The following SEMA6D variants were observed in gnomAD, a reference collection of about 807,000 sequenced individuals.
The protein encoded by SEMA6D is semaphorin 6D.
SEMA6D carries 35 observed loss-of-function variants against 106.6 expected under a neutral mutation model. That is an observed-to-expected ratio of 0.33 (90% CI 0.25 to 0.44). The LOEUF is 0.44. SEMA6D is among the 20% of genes least tolerant of loss of function. SEMA6D has a pLI of 1.00. For missense variants in SEMA6D, 1,185 were observed against 1,345.9 expected (o/e 0.88, Z 1.87); for synonymous variants, 499 against 487.7 (o/e 1.02, Z -0.31).
chr15:47,736,694 C>T (rs2080466880), intron 1 of SEMA6D, among the ~76,000 whole-genome samples: 1 of 152,186 alleles, frequency 6.6e-6, no homozygotes, highest in African/African-American at 2.4e-5. Flanking sequence ...GCCAGAACTT[C>T]CTTCTCCATT....
chr15:47,349,840 G>A (rs1229104152), intron 1 of SEMA6D, among the ~76,000 whole-genome samples: 1 of 152,102 alleles, frequency 6.6e-6, no homozygotes, highest in Admixed American at 6.5e-5. Context: ...TTACTACATG[G>A]AGATAAACTC....
intron 1 of SEMA6D, among the ~76,000 whole-genome samples, chr15:47,732,649 A>G (rs1280345580): frequency 6.6e-6 from 1 of 152,222 alleles, no homozygotes. Context: ...ATTTATACAT[A>G]TTACCTACAC....
chr15:47,288,126 C>T (rs1017734398), intron 1 of SEMA6D, among the ~76,000 whole-genome samples: 2 of 152,194 alleles, frequency 1.3e-5, no homozygotes, highest in African/African-American at 2.4e-5. Context: ...GATCTGCCCC[C>T]GTGATCCAAA....
rs1183441832 is a variant in SEMA6D, at chr15:47,471,921, TCTCTCTCTCTCACACACACA to T, written c.-87+1378_-87+1397del. On this transcript the variant is annotated intron_variant, in intron 3 of 19. Coordinates refer to the SEMA6D transcript ENST00000558014. ...TGTGCTCTTTCTCTCTCTCTCTCTC[TCTCTCTCTCTCACACACACA>T]CACACACACACACACACACACACAC... 9.9e-4 allele frequency among the ~76,000 whole-genome samples: 136 copies of T among 136,868 alleles called. 1 individual carries two copies. Among genetic ancestry groups the T allele is most frequent in the African/African-American group, 3.7e-3 (128 of 34,372 alleles). The allele number at this position is 136,868 out of a possible 152,430, so 89.8% of individuals were successfully genotyped here.
At chr15:47,407,403 C>CAAAAAAAAAAAAAAAAA (rs1462088729) in intron 1 of SEMA6D, among the ~76,000 whole-genome samples, 2 of 82,266 alleles carry the variant, frequency 2.4e-5, no homozygotes, top group Non-Finnish European at 5.6e-5. Context: ...ACAACAACAA[C>CAAAAAAAAAAAAAAAAA]AACAACAAAA....
At chr15:47,231,438 G>A (rs2032189337) in intron 1 of SEMA6D, among the ~76,000 whole-genome samples, 1 of 151,752 alleles carries the variant, frequency 6.6e-6, no homozygotes, top group African/African-American at 2.4e-5. Flanking sequence ...CTTGCAGGTC[G>A]TTATCCAAAG....
At chr15:47,388,465 G>A (rs35473814) in intron 1 of SEMA6D, among the ~76,000 whole-genome samples, 33,416 of 151,960 alleles carry the variant, frequency 0.22, 3,957 homozygotes, top group Middle Eastern at 0.33. Flanking sequence ...GCTCCATCCT[G>A]CCCAGCTCCA....
At chr15:47,378,560 A>G (rs2039528682) in intron 1 of SEMA6D, among the ~76,000 whole-genome samples, 1 of 152,174 alleles carries the variant, frequency 6.6e-6, no homozygotes, top group African/African-American at 2.4e-5. Flanking sequence ...GACCACTTCA[A>G]AGACAAACTT....
At chr15:47,529,881 A>T (rs547303684) in intron 3 of SEMA6D, among the ~76,000 whole-genome samples, 2 of 152,198 alleles carry the variant, frequency 1.3e-5, no homozygotes, top group African/African-American at 4.8e-5. Context: ...AGTTTGAAAG[A>T]GCATGTTCCA....
chr15:47,620,756 T>G (rs1307370542), intron 4 of SEMA6D, among the ~76,000 whole-genome samples: 3 of 151,484 alleles, frequency 2.0e-5, no homozygotes, highest in African/African-American at 7.3e-5. Flanking sequence ...TTATTGTGAG[T>G]GTGGGTTTTT....
chr15:47,465,944 A>C (rs2042645359), intron 2 of SEMA6D, among the ~76,000 whole-genome samples: 1 of 152,166 alleles, frequency 6.6e-6, no homozygotes, highest in Non-Finnish European at 1.5e-5. Flanking sequence ...CTTTTCTGAT[A>C]TCAAAATGTT....
chr15:47,260,139 T>C (rs2034004447), intron 1 of SEMA6D, among the ~76,000 whole-genome samples: 1 of 152,174 alleles, frequency 6.6e-6, no homozygotes, highest in African/African-American at 2.4e-5. Context: ...TTTAAAAATA[T>C]TATACCTTCA....
At chr15:47,571,943 A>G (rs1191118591) in intron 3 of SEMA6D, among the ~76,000 whole-genome samples, 1 of 152,148 alleles carries the variant, frequency 6.6e-6, no homozygotes, top group African/African-American at 2.4e-5. Context: ...AACAAAACCT[A>G]TTATTTTCTG....
chr15:47,315,317 G>A (rs1462308093), intron 1 of SEMA6D, among the ~76,000 whole-genome samples: 1 of 152,198 alleles, frequency 6.6e-6, no homozygotes, highest in Non-Finnish European at 1.5e-5. Context: ...GCATGTGGAT[G>A]TCCAGTTGTT....
intron 1 of SEMA6D, among the ~76,000 whole-genome samples, chr15:47,196,326 A>G (rs1894356218): frequency 6.6e-6 from 1 of 152,126 alleles, no homozygotes; most frequent in African/African-American, 2.4e-5. Context: ...AGCCTGCAGT[A>G]TTTTGGAGGC....
intron 3 of SEMA6D, among the ~76,000 whole-genome samples, chr15:47,534,355 A>G (rs1046537134): frequency 6.6e-6 from 1 of 151,218 alleles, no homozygotes; most frequent in African/African-American, 2.4e-5. Context: ...TAATTTTTTT[A>G]TATGTTTAGT....
intron 3 of SEMA6D, among the ~76,000 whole-genome samples, chr15:47,576,713 G>A (rs1266251525): frequency 6.6e-6 from 1 of 152,134 alleles, no homozygotes; most frequent in Non-Finnish European, 1.5e-5. Flanking sequence ...CCCGGGCTAG[G>A]CACTAGCAGA....
rs189949509 is a variant in SEMA6D at position 47,268,831 on chromosome 15, G to C, written c.-239+84413G>C. Reference sequence around the variant, plus strand: ...ATTTCATAACTGAATTTTCCGCTTTGAGTAATTATGTCTCAAGATTGCTTA... The same window carrying C: ...ATTTCATAACTGAATTTTCCGCTTTCAGTAATTATGTCTCAAGATTGCTTA... On this transcript the variant is annotated intron_variant, in intron 1 of 19. Transcript: ENST00000558014. 1.5e-3 allele frequency among the ~76,000 whole-genome samples: 223 copies of C among 152,210 alleles called. 1 individual carries two copies. Among genetic ancestry groups the C allele is most frequent in the African/African-American group, 5.2e-3 (217 of 41,538 alleles).
At chr15:47,508,083 T>C (rs1051364583) in intron 3 of SEMA6D, among the ~76,000 whole-genome samples, 1 of 152,130 alleles carries the variant, frequency 6.6e-6, no homozygotes, top group Admixed American at 6.5e-5. Flanking sequence ...CAACCTCTCT[T>C]AAAAGCCCGT....
Sources: gnomAD v4.1 joint callset for allele counts (sites outside exome capture counted in the v4.1 genomes callset) on GRCh38, gnomAD v4.1.1 for gene constraint, MANE v1.5 for transcripts, NCBI Gene and HGNC (gene_info 2026-07-23, HGNC 2026-07-21) for gene names.